RBM47: variants seen among roughly 807,000 people sequenced by gnomAD.
RBM47 encodes RNA binding motif protein 47.
RBM47 carries 21 observed loss-of-function variants against 47.1 expected under a neutral mutation model. The observed-to-expected ratio is 0.45, with a 90% CI of 0.32 to 0.64. The LOEUF is 0.64. Ranked by LOEUF, RBM47 falls within the 30% of genes least tolerant of loss-of-function variation. RBM47 has a pLI of 0.05. For missense variants in RBM47, 708 were observed against 870.9 expected, an observed-to-expected ratio of 0.81 and a Z score of 2.35; for synonymous variants, 375 against 361.7, an observed-to-expected ratio of 1.04 and a Z score of -0.42.
At chr4:40,506,103 A>G (rs1724072551) in intron 2 of RBM47, among the ~76,000 whole-genome samples, 1 of 152,206 alleles carries the variant, frequency 6.6e-6, no homozygotes, top group Admixed American at 6.5e-5. Context: ...ACTCTTACTA[A>G]AAAATGAAAC....
At chr4:40,532,259 C>T (rs1448973086) in intron 2 of RBM47, among the ~76,000 whole-genome samples, 5 of 149,554 alleles carry the variant, frequency 3.3e-5, no homozygotes, top group African/African-American at 1.2e-4. Context: ...ATCCACCTTC[C>T]TCAGCCTCCC....
chr4:40,444,562 T>C (rs908206032), intron 3 of RBM47, among the ~76,000 whole-genome samples: 1 of 152,124 alleles, frequency 6.6e-6, no homozygotes, highest in Non-Finnish European at 1.5e-5. Context: ...GTCTAGGAGA[T>C]GTGGAAGAGC....
chr4:40,539,509 G>A (rs1728288068), intron 2 of RBM47, among the ~76,000 whole-genome samples: 1 of 151,972 alleles, frequency 6.6e-6, no homozygotes, highest in African/African-American at 2.4e-5. Flanking sequence ...GGGAGGCCGA[G>A]GCAGGTGGAT....
intron 1 of RBM47, among the ~76,000 whole-genome samples, chr4:40,614,642 T>C (rs977831997): frequency 3.4e-5 from 5 of 148,460 alleles, no homozygotes; most frequent in Non-Finnish European, 5.9e-5. Flanking sequence ...GAGACAAACC[T>C]GGGCAAAAGA....
At chr4:40,441,320 G>A (rs1713625265) in intron 3 of RBM47, among the ~76,000 whole-genome samples, 1 of 150,756 alleles carries the variant, frequency 6.6e-6, no homozygotes, top group South Asian at 2.1e-4. Flanking sequence ...GTCTCACTAT[G>A]TTACCCCAGC....
chr4:40,513,730 T>C (rs1725230089), intron 2 of RBM47, among the ~76,000 whole-genome samples: 1 of 152,048 alleles, frequency 6.6e-6, no homozygotes, highest in East Asian at 1.9e-4. Flanking sequence ...TTTTTTTTCT[T>C]TTTTGGAGAC....
At chr4:40,439,039 T>TA in intron 3 of RBM47, 115 bp from the exon 4 acceptor site, 1 of 904,186 alleles carries the variant, frequency 1.1e-6, no homozygotes, top group Non-Finnish European at 1.6e-6. Flanking sequence ...GGAGGTGGTT[T>TA]AAATGAGAAA....
chr4:40,497,699 C>G (rs1375636036), intron 2 of RBM47, among the ~76,000 whole-genome samples: 1 of 151,486 alleles, frequency 6.6e-6, no homozygotes, highest in Admixed American at 6.6e-5. Context: ...CCTGGCCAGG[C>G]ACACTGGCTC....
intron 2 of RBM47, among the ~76,000 whole-genome samples, chr4:40,502,827 A>C (rs1461460165): frequency 6.6e-6 from 1 of 151,864 alleles, no homozygotes; most frequent in Admixed American, 6.6e-5. Context: ...GCCTGGGTTG[A>C]GAGAGCAAAA....
intron 1 of RBM47, among the ~76,000 whole-genome samples, chr4:40,576,088 TTGCTAAGAGG>T (rs1732273960): frequency 6.6e-6 from 1 of 152,196 alleles, no homozygotes; most frequent in Non-Finnish European, 1.5e-5. Flanking sequence ...CTCACATAGC[TTGCTAAGAGG>T]CATCTTTCCT....
At chr4:40,475,716 G>A (rs996731316) in intron 2 of RBM47, 4 of 152,156 alleles carry the variant, frequency 2.6e-5, no homozygotes, top group African/African-American at 7.2e-5. Context: ...ATCTGGGTGC[G>A]ACAGGCTAAC....
intron 2 of RBM47, among the ~76,000 whole-genome samples, chr4:40,511,756 G>A (rs1724958660): frequency 6.6e-6 from 1 of 152,104 alleles, no homozygotes; most frequent in Non-Finnish European, 1.5e-5. Context: ...AGGAGATGGT[G>A]AAACCCCATC....
chr4:40,581,547 T>C lies in RBM47; in HGVS notation c.-239-37041A>G, dbSNP rs185874532. On this transcript the variant is annotated intron_variant, in intron 1 of 6. Transcript: ENST00000295971. The stretch of plus-strand genomic sequence containing the variant: ...AGAATGAGAAAGCATCTCATAGAGA[T>C]GGTTTGTTTGGTTTCTTGGAGGAAG... Among the ~76,000 whole-genome samples the C allele has an allele frequency of 7.0e-3, 1,063 of 151,730 alleles. 12 individuals are homozygous for C. The highest frequency in any genetic ancestry group is 0.024 in the African/African-American group (996 of 41,354).
At chr4:40,561,553 TTC>T (rs1466746729) in intron 1 of RBM47, among the ~76,000 whole-genome samples, 16 of 140,948 alleles carry the variant, frequency 1.1e-4, no homozygotes, top group Middle Eastern at 7.3e-3. Flanking sequence ...TCTTTTTTTT[TTC>T]TTTTTTTTTT....
intron 1 of RBM47, among the ~76,000 whole-genome samples, chr4:40,600,971 G>A (rs1352491539): frequency 3.8e-5 from 2 of 53,046 alleles, no homozygotes; most frequent in Non-Finnish European, 8.5e-5. Context: ...GGCAACAAGA[G>A]TGAAACTCCG....
chr4:40,542,097 G>C (rs1728605809), intron 2 of RBM47, among the ~76,000 whole-genome samples: 1 of 152,066 alleles, frequency 6.6e-6, no homozygotes, highest in African/African-American at 2.4e-5. Flanking sequence ...GATTAGCAGG[G>C]GAGCAATACT....
At chr4:40,450,607 G>A (rs182185) in intron 3 of RBM47, among the ~76,000 whole-genome samples, 185 of 148,524 alleles carry the variant, frequency 1.2e-3, no homozygotes, top group Non-Finnish European at 1.9e-3. Context: ...TCTCAAAAAA[G>A]AAAAAAAAAA....
chr4:40,470,274 G>A (rs921809251), intron 2 of RBM47, among the ~76,000 whole-genome samples: 15 of 151,828 alleles, frequency 9.9e-5, no homozygotes, highest in African/African-American at 3.1e-4. Flanking sequence ...ACCCCATCAT[G>A]GAGTCTTTAT....
intron 2 of RBM47, among the ~76,000 whole-genome samples, chr4:40,480,620 A>C (rs1479099586): frequency 6.6e-6 from 1 of 152,160 alleles, no homozygotes; most frequent in African/African-American, 2.4e-5. Flanking sequence ...AGAAAGCCAC[A>C]AAATCTAATT....
Sources: gnomAD v4.1 joint callset for allele counts (sites outside exome capture counted in the v4.1 genomes callset) on GRCh38, gnomAD v4.1.1 for gene constraint, MANE v1.5 for transcripts, NCBI Gene and HGNC (gene_info 2026-07-23, HGNC 2026-07-21) for gene names.